The following RNF38 variants were observed in gnomAD, a reference collection of about 807,000 sequenced individuals.
RNF38 encodes the protein E3 ubiquitin-protein ligase RNF38.
In RNF38, 15 loss-of-function variants were observed where a neutral mutation model predicts 67.2. That is an observed-to-expected ratio of 0.22 (90% CI 0.15 to 0.34). The LOEUF is 0.34. Ranked by LOEUF, RNF38 falls within the 10% of genes least tolerant of loss-of-function variation. The pLI is 1.00. For synonymous variants in RNF38, 220 were observed against 218.8 expected (o/e 1.01, Z -0.05); for missense variants, 524 against 639.9 (o/e 0.82, Z 1.95).
intron 1 of RNF38, among the ~76,000 whole-genome samples, chr9:36,482,871 T>TA (rs1217548132): frequency 1.3e-5 from 2 of 152,174 alleles, no homozygotes; most frequent in Non-Finnish European, 2.9e-5. Context: ...AACTGTTAGT[T>TA]ACAGCTGGAC....
chr9:36,483,212 C>T (rs1217300992), intron 1 of RNF38, among the ~76,000 whole-genome samples: 2 of 152,006 alleles, frequency 1.3e-5, no homozygotes, highest in African/African-American at 2.4e-5. Context: ...ATGGTGAAAC[C>T]CCGTCTCTAC....
chr9:36,348,071 G>A (rs1025098305), intron 9 of RNF38, among the ~76,000 whole-genome samples: 13 of 151,850 alleles, frequency 8.6e-5, no homozygotes, highest in Admixed American at 3.3e-4. Context: ...GTGAGATTCC[G>A]TCTCAAAAAA....
intron 8 of RNF38, 65 bp from the exon 9 acceptor site, chr9:36,351,264 G>C (rs2133471593): frequency 9.4e-7 from 1 of 1,069,302 alleles, no homozygotes; most frequent in Middle Eastern, 2.0e-4. Context: ...ACAGGACAGG[G>C]AGGACAGAGG....
intron 2 of RNF38, among the ~76,000 whole-genome samples, chr9:36,418,734 C>T (rs1230657392): frequency 3.9e-5 from 6 of 151,916 alleles, no homozygotes; most frequent in Non-Finnish European, 1.5e-5. Flanking sequence ...TGCAGTGAGG[C>T]GAGATGGTGC....
At chr9:36,447,125 CAAA>C (rs535462916) in intron 1 of RNF38, among the ~76,000 whole-genome samples, 3 of 93,060 alleles carry the variant, frequency 3.2e-5, no homozygotes. Flanking sequence ...AGACTGTCTC[CAAA>C]AAAAAAAAAA....
chr9:36,413,191 T>C (rs145875620), intron 2 of RNF38, among the ~76,000 whole-genome samples: 136 of 151,442 alleles, frequency 9.0e-4, no homozygotes, highest in Non-Finnish European at 1.6e-3. Flanking sequence ...GAATGCGCCA[T>C]TGCACTCCAG....
chr9:36,475,945 G>A (rs1178652225), intron 1 of RNF38, among the ~76,000 whole-genome samples: 1 of 148,330 alleles, frequency 6.7e-6, no homozygotes, highest in Non-Finnish European at 1.5e-5. Flanking sequence ...GGAGGTGGAA[G>A]TTGCAGTAGG....
Position 36,429,326 on chromosome 9 carries a change from C to G in RNF38, n.242-4643G>C, listed in dbSNP as rs1016853893. Among the ~76,000 whole-genome samples the G allele has an allele frequency of 9.9e-5, 15 of 152,280 alleles. No individual in the cohort carries two copies. The East Asian group carries it at 2.9e-3, about 29-fold the overall frequency. ...CCCTCCAGTATTGAAGACAATGGTC[C>G]TCTCGTATCTGTGGGAGCTTGGTCC... On this transcript the variant is annotated intron_variant and non_coding_transcript_variant, in intron 1 of 3. Coordinates refer to the RNF38 transcript ENST00000488058.
intron 1 of RNF38, among the ~76,000 whole-genome samples, chr9:36,455,474 G>A (rs1229922374): frequency 6.6e-6 from 1 of 151,942 alleles, no homozygotes; most frequent in African/African-American, 2.4e-5. Context: ...AAGCTAAGGA[G>A]CAAATAGTTT....
chr9:36,372,742 C>T, intron 3 of RNF38: 1 of 461,054 alleles, frequency 2.2e-6, no homozygotes, highest in Non-Finnish European at 3.8e-6. Flanking sequence ...TCAAAGAACT[C>T]AAAGCTAATT....
In RNF38 at chr9:36,465,725, C is replaced by A. The variant is rs80171976; in HGVS notation, n.241+21583G>T. ...ACTGATGAATGGGTAAAGTATGATACACCTATACAACTAATATTTACCTAC... is the reference window on the plus strand; with the variant it reads ...ACTGATGAATGGGTAAAGTATGATAAACCTATACAACTAATATTTACCTAC... On this transcript the variant is annotated intron_variant and non_coding_transcript_variant, in intron 1 of 3. Transcript: ENST00000488058. Among the ~76,000 whole-genome samples the A allele has an allele frequency of 2.6e-3, 392 of 152,284 alleles. 8 individuals carry two copies. The East Asian group carries it at 0.033, about 13-fold the overall frequency.
At chr9:36,397,748 T>C (rs1466737110) in intron 1 of RNF38, among the ~76,000 whole-genome samples, 1 of 152,104 alleles carries the variant, frequency 6.6e-6, no homozygotes, top group African/African-American at 2.4e-5. Flanking sequence ...AAATAAAGGG[T>C]AGGAAAAATA....
intron 7 of RNF38, among the ~76,000 whole-genome samples, 160 bp from the exon 8 acceptor site, chr9:36,353,008 A>C (rs542614547): frequency 6.6e-6 from 1 of 152,370 alleles, no homozygotes; most frequent in South Asian, 2.1e-4. Flanking sequence ...TGCAGCAACC[A>C]TTTTAAACCA....
chr9:36,466,694 T>A (rs1241360443), intron 1 of RNF38, among the ~76,000 whole-genome samples: 2 of 152,136 alleles, frequency 1.3e-5, no homozygotes, highest in African/African-American at 2.4e-5. Flanking sequence ...TATACTATGG[T>A]CCCACTTTTT....
At chr9:36,487,604 C>T (rs1840452130), upstream of RNF38, 1 of 979,730 alleles carries the variant, frequency 1.0e-6, no homozygotes, top group Non-Finnish European at 1.2e-6. Context: ...TCGACTCCGG[C>T]GCGGCAGGCG....
At chr9:36,370,908 T>TA (rs569848466) in intron 3 of RNF38, among the ~76,000 whole-genome samples, 1,847 of 148,204 alleles carry the variant, frequency 0.012, 16 homozygotes, top group Non-Finnish European at 0.021. Flanking sequence ...GACCATGTCT[T>TA]AAAAAAAAAA....
At chr9:36,486,472 C>T (rs1016247196) in intron 1 of RNF38, among the ~76,000 whole-genome samples, 2 of 152,162 alleles carry the variant, frequency 1.3e-5, no homozygotes, top group African/African-American at 4.8e-5. Context: ...ACGTCTTTAC[C>T]AAGGCCATGT....
rs2133563860 is a variant in RNF38, at chr9:36,356,488, A to G, written c.739-15T>C. The G allele has an allele frequency of 2.0e-6, 3 of 1,537,668 alleles. No individual in the cohort carries two copies. The highest frequency in any genetic ancestry group is 2.6e-6 in the Non-Finnish European group (3 of 1,144,458). ...GCCTGAAGCATCTGTAAGAGAAACC[A>G]TTACAGTTTGGTTAAAAATATCAGA... On this transcript the variant is annotated splice_polypyrimidine_tract_variant and intron_variant, in intron 5 of 11. Coordinates refer to ENST00000259605, the MANE Select transcript of RNF38 (RefSeq NM_022781.5).
At chr9:36,378,317 C>T (rs1835933211) in intron 2 of RNF38, among the ~76,000 whole-genome samples, 1 of 151,978 alleles carries the variant, frequency 6.6e-6, no homozygotes, top group Non-Finnish European at 1.5e-5. Context: ...GGTGGGACCA[C>T]AGGCATATGC....
Sources: gnomAD v4.1 joint callset for allele counts (sites outside exome capture counted in the v4.1 genomes callset) on GRCh38, gnomAD v4.1.1 for gene constraint, MANE v1.5 for transcripts, NCBI Gene and HGNC (gene_info 2026-07-23, HGNC 2026-07-21) for gene names.